ZNF610: variants seen among roughly 807,000 people sequenced by gnomAD.
The protein encoded by ZNF610 is zinc finger protein 610.
In ZNF610, 14 loss-of-function variants were observed where a neutral mutation model predicts 14.1. The observed-to-expected ratio is 0.99, with a 90% CI of 0.65 to 1.55. ZNF610 has a LOEUF of 1.55. ZNF610 is among the 40% of genes most tolerant of loss of function. ZNF610 has a pLI of 0.00. For synonymous variants in ZNF610, 185 were observed against 187.6 expected, an observed-to-expected ratio of 0.99 and a Z score of 0.11; for missense variants, 530 against 558.0, an observed-to-expected ratio of 0.95 and a Z score of 0.51.
At chr19:52,362,681 G>A (rs1164816001) in intron 5 of ZNF610, among the ~76,000 whole-genome samples, 2 of 151,978 alleles carry the variant, frequency 1.3e-5, no homozygotes, top group African/African-American at 2.4e-5. Context: ...TGACCTATTG[G>A]TTTTTTAGAT....
chr19:52,342,532 T>C (rs1187637981), intron 1 of ZNF610, among the ~76,000 whole-genome samples: 1 of 151,512 alleles, frequency 6.6e-6, no homozygotes, highest in East Asian at 1.9e-4. Flanking sequence ...TTTTTTTTTT[T>C]TTTTTGAGAC....
chr19:52,342,133 G>A (rs1408852167), intron 1 of ZNF610, among the ~76,000 whole-genome samples: 1 of 152,104 alleles, frequency 6.6e-6, no homozygotes, highest in Admixed American at 6.6e-5. Context: ...TGTAGAGTTG[G>A]GGTCTTGCTG....
At chr19:52,336,775 C>T (rs1356331325) in intron 1 of ZNF610, among the ~76,000 whole-genome samples, 1 of 152,152 alleles carries the variant, frequency 6.6e-6, no homozygotes, top group Admixed American at 6.5e-5. Flanking sequence ...TTCCTACTCC[C>T]CAGGCCTCCC....
At chr19:52,339,948 C>T (rs867434104) in intron 1 of ZNF610, among the ~76,000 whole-genome samples, 9 of 152,190 alleles carry the variant, frequency 5.9e-5, no homozygotes, top group African/African-American at 1.9e-4. Flanking sequence ...CGTGAGCCAC[C>T]GATCCTGGCT....
chr19:52,366,669 AATG>A lies in ZNF610; in HGVS notation c.1292_1294del (p.Asn431_Ala432delinsThr), dbSNP rs1327474916. ...TACTGGAGAGAGACCTTACAAGTGT[AATG>A]CATGTGGCAAGGTCTTCAATCAAAA... On this transcript the variant is annotated inframe_deletion, in exon 6 of 6. Coordinates refer to ENST00000403906, the MANE Select transcript of ZNF610 (RefSeq NM_001161425.2). The A allele has an allele frequency of 1.9e-6, 3 of 1,614,132 alleles. No homozygotes were observed. The African/African-American group carries it at 4.0e-5, about 22-fold the overall frequency.
At position 52,347,908 on chromosome 19, in the gene ZNF610, T is replaced by C. The variant is rs956817105; in HGVS notation, c.-56T>C. On this transcript the variant is annotated 5_prime_UTR_variant, in exon 2 of 6. Coordinates refer to ENST00000403906, the MANE Select transcript of ZNF610 (RefSeq NM_001161425.2). ...CGGTCACCACACACTCACTGACTCA[T>C]CCAGAGCAATTTCTAGTCCTGCAAG... is the stretch of plus-strand genomic sequence containing the variant. 6 of 152,212 alleles carry C rather than the reference T, an allele frequency of 3.9e-5. No individual in the cohort carries two copies. Among genetic ancestry groups the C allele is most frequent in the African/African-American group, 1.4e-4 (6 of 41,462 alleles). The allele number at this position is 152,212 out of a possible 1,614,324, so 9.4% of individuals were successfully genotyped here.
intron 4 of ZNF610, 134 bp downstream of exon 4, chr19:52,353,942 ATT>A: frequency 1.7e-6 from 2 of 1,208,960 alleles, no homozygotes; most frequent in Non-Finnish European, 2.3e-6. Context: ...GAAAAGCTCT[ATT>A]ATGCTCTCTG....
chr19:52,330,862 T>C, the ZNF610 span, among the ~76,000 whole-genome samples: 1 of 152,234 alleles, frequency 6.6e-6, no homozygotes, highest in Admixed American at 6.5e-5. Context: ...ATTAATGCAC[T>C]AAGAGTGAAA....
chr19:52,351,465 A>C (rs899806520), intron 3 of ZNF610, among the ~76,000 whole-genome samples: 1 of 151,924 alleles, frequency 6.6e-6, no homozygotes, highest in Non-Finnish European at 1.5e-5. Flanking sequence ...AAGAAAAAAA[A>C]AAAAGAAAGA....
upstream of ZNF610, among the ~76,000 whole-genome samples, chr19:52,331,863 A>G (rs757091086): frequency 2.6e-5 from 4 of 152,126 alleles, no homozygotes; most frequent in Non-Finnish European, 4.4e-5. Flanking sequence ...TTATTTCCAC[A>G]TTTGCCCCCT....
intron 3 of ZNF610, 137 bp from the exon 4 acceptor site, chr19:52,353,545 A>C: frequency 6.6e-5 from 59 of 899,066 alleles, no homozygotes; most frequent in Non-Finnish European, 8.0e-5. Context: ...AACATTTACT[A>C]GAGATTGGAA....
In ZNF610 at chr19:52,365,991, GA is replaced by G; in HGVS notation, c.615del (p.Glu205AspfsTer20). Reference protein sequence around the residue: ...AYIRGKSYEYECSEDGEVFRV... With the variant: ...AYIRGKSYEYXCSEDGEVFRV... ...CATTAGAGGAAAATCTTATGAATATGAATGTAGTGAAGATGGTGAAGTTTTT... is the reference window on the plus strand; with the variant it reads ...CATTAGAGGAAAATCTTATGAATATGATGTAGTGAAGATGGTGAAGTTTTT... On this transcript the variant is annotated frameshift_variant, in exon 6 of 6. Transcript: ENST00000403906. LOFTEE classifies it low-confidence loss of function (END_TRUNC). The G allele has an allele frequency of 1.2e-6, 2 of 1,614,112 alleles. No homozygotes were observed. Among genetic ancestry groups the G allele is most frequent in the African/African-American group, 2.7e-5 (2 of 75,030 alleles).
At chr19:52,347,511 C>G (rs1279405772) in intron 1 of ZNF610, among the ~76,000 whole-genome samples, 196 bp from the exon 2 acceptor site, 1 of 152,158 alleles carries the variant, frequency 6.6e-6, no homozygotes, top group African/African-American at 2.4e-5. Context: ...AGCCTAAATA[C>G]ACAGTAAGTA....
upstream of ZNF610, among the ~76,000 whole-genome samples, chr19:52,335,572 G>T (rs1984336762): frequency 6.6e-6 from 1 of 152,088 alleles, no homozygotes; most frequent in Admixed American, 6.5e-5. Flanking sequence ...AATTTGGGTG[G>T]GCACAATCTA....
Position 52,349,215 on chromosome 19 carries a change from T to C in ZNF610, c.43T>C (p.Ser15Pro). 6.2e-7 allele frequency: 1 copy of C among 1,613,030 alleles called. No homozygotes were observed. The highest frequency in any genetic ancestry group is 8.5e-7 in the Non-Finnish European group (1 of 1,179,828). The part of the protein sequence containing the change: ...EEAQKRKAKE[S>P]GMALPQGRLT... ...AGCCCAGAAGAGGAAAGCAAAGGAG[T>C]CAGGGATGGCTCTTCCTCAGGTAAA... The change falls in exon 3 of 6, where the codon TCA (serine) becomes CCA (proline). Residue 15 changes from serine to proline, a missense_variant. Coordinates refer to ENST00000403906, the MANE Select transcript of ZNF610 (RefSeq NM_001161425.2).
chr19:52,357,070 A>G (rs547304671), intron 5 of ZNF610, among the ~76,000 whole-genome samples: 26 of 152,342 alleles, frequency 1.7e-4, no homozygotes, highest in African/African-American at 6.0e-4. Context: ...GACACGGGTC[A>G]TAAGTCCAGG....
Position 52,366,809 on chromosome 19 carries a change from A to T in ZNF610, c.*42A>T, listed in dbSNP as rs1986120184. The T allele has an allele frequency of 7.5e-6, 11 of 1,473,458 alleles. No individual in the cohort carries two copies. The highest frequency in any genetic ancestry group is 1.0e-5 in the Non-Finnish European group (11 of 1,076,234). 91.3% of individuals were successfully genotyped at this position (1,473,458 alleles called of 1,614,324 possible). On this transcript the variant is annotated 3_prime_UTR_variant, in exon 6 of 6. Coordinates refer to ENST00000403906, the MANE Select transcript of ZNF610 (RefSeq NM_001161425.2). ...AGTTAGAATTCACACCTAGCACAAC[A>T]TTGGAGGACTCAGGAGAAAAACCTT... is the stretch of plus-strand genomic sequence containing the variant.
In ZNF610 at chr19:52,354,311, T is replaced by C. The variant is rs781645501; in HGVS notation, c.251T>C (p.Ile84Thr). 7.4e-6 allele frequency: 12 copies of C among 1,614,202 alleles called. No individual in the cohort carries two copies. In the South Asian group the frequency reaches 1.3e-4, roughly 18 times the overall value. ...SMLKQRREPL[I>T]LQSQVKIVKN... is the part of the protein sequence containing the mutation. ...TTGAAGCAAAGGAGAGAGCCCTTGA[T>C]TCTGCAAAGTCAAGTTAAAATAGTA... The change falls in exon 5 of 6, where the codon ATT becomes ACT. Residue 84 changes from isoleucine (I) to threonine (T), a missense_variant. Coordinates refer to ENST00000403906, the MANE Select transcript of ZNF610 (RefSeq NM_001161425.2).
At chr19:52,355,836 C>T (rs1286983125) in intron 5 of ZNF610, among the ~76,000 whole-genome samples, 5 of 152,224 alleles carry the variant, frequency 3.3e-5, no homozygotes, top group African/African-American at 1.2e-4. Context: ...GGGCGAGGCA[C>T]GTGGGAAGAT....
Sources: gnomAD v4.1 joint callset for allele counts (sites outside exome capture counted in the v4.1 genomes callset) on GRCh38, gnomAD v4.1.1 for gene constraint, MANE v1.5 for transcripts, NCBI Gene and HGNC (gene_info 2026-07-23, HGNC 2026-07-21) for gene names.